The following MPP1 variants were observed in gnomAD, a reference collection of about 807,000 sequenced individuals.
MPP1 encodes 55 kDa erythrocyte membrane protein.
In MPP1, 6 loss-of-function variants were observed where a neutral mutation model predicts 38.2. That is an observed-to-expected ratio of 0.16 (90% confidence interval 0.09 to 0.31). The LOEUF (loss-of-function observed/expected upper bound fraction) is 0.31, where lower values mean the gene tolerates loss of function less well. MPP1 is among the 10% of genes least tolerant of loss of function. MPP1 has a pLI of 1.00. For missense variants in MPP1, 293 were observed against 368.9 expected (o/e 0.79, Z 1.69); for synonymous variants, 153 against 146.3 (o/e 1.05, Z -0.33).
At chrX:154,795,058 C>T (rs1405827010) in intron 1 of MPP1, among the ~76,000 whole-genome samples, 2 of 111,771 alleles carry the variant, frequency 1.8e-5, no homozygotes, top group Admixed American at 9.5e-5. Context: ...GCCATGATCA[C>T]ACCACTACAC....
chrX:154,783,497 C>T lies in MPP1; in HGVS notation c.876G>A (p.Gly292=). Residue 292 remains glycine, a synonymous_variant, in exon 9 of 12, where the codon GGG becomes GGA. Transcript: ENST00000369534. ...CATTCTTAATGTGGCTGCGACCCAC[C>T]CCACTGGCTCCTGTGTAGAGAGAGA... The part of the protein sequence containing the change: ...RKTLVLIGAS[G]VGRSHIKNAL... 1 of 1,205,544 alleles carries T rather than the reference C, an allele frequency of 8.3e-7. No homozygotes were observed. Among genetic ancestry groups the T allele is most frequent in the Non-Finnish European group, 1.1e-6 (1 of 891,233 alleles).
chrX:154,799,019 C>G (rs113375968), intron 1 of MPP1, among the ~76,000 whole-genome samples: 2 of 112,058 alleles, frequency 1.8e-5, no homozygotes, highest in Non-Finnish European at 3.8e-5. Context: ...CAGGTGTGAG[C>G]CACCATGCCT....
At chrX:154,781,116 A>G in intron 11 of MPP1, 123 bp downstream of exon 11, 1 of 610,395 alleles carries the variant, frequency 1.6e-6, no homozygotes. Context: ...TTGGCCCTGG[A>G]GGAAGAAGCC....
chrX:154,794,671 T>C (rs1206030407), intron 1 of MPP1, among the ~76,000 whole-genome samples: 2 of 111,505 alleles, frequency 1.8e-5, no homozygotes, highest in African/African-American at 3.3e-5. Context: ...TGGGAATAGA[T>C]GGTATGCCTG....
At chrX:154,792,865 C>T (rs782577710) in intron 1 of MPP1, among the ~76,000 whole-genome samples, 5 of 111,291 alleles carry the variant, frequency 4.5e-5, no homozygotes, top group South Asian at 3.8e-4. Context: ...CCCCGAACCG[C>T]GGTGATAACA....
intron 8 of MPP1, 58 bp downstream of exon 8, chrX:154,783,970 C>T (rs1164405180): frequency 1.5e-5 from 16 of 1,080,548 alleles, no homozygotes; most frequent in East Asian, 3.0e-5. Context: ...GGGGTGGGCA[C>T]GTGATGCAGG....
chrX:154,801,778 A>AAAAAAAAAAAAAAAT (rs2072267131), intron 1 of MPP1, among the ~76,000 whole-genome samples: 1 of 88,083 alleles, frequency 1.1e-5, no homozygotes, highest in Non-Finnish European at 2.2e-5. Context: ...AAAAAAAAAA[A>AAAAAAAAAAAAAAAT]AAAAAAAACA....
At chrX:154,783,714 C>CT (rs782795765) in intron 8 of MPP1, 19 of 432,394 alleles carry the variant, frequency 4.4e-5, no homozygotes, top group Middle Eastern at 6.2e-4. Context: ...AGGACTTACT[C>CT]TGTTTCAGGT....
At chrX:154,788,957 C>T (rs782087859) in intron 5 of MPP1, among the ~76,000 whole-genome samples, 4 of 111,690 alleles carry the variant, frequency 3.6e-5, no homozygotes, top group Non-Finnish European at 3.8e-5. Flanking sequence ...TATAATTCAA[C>T]GTTAATACAT....
Position 154,790,019 on chromosome X carries a change from C to G in MPP1, c.415G>C (p.Glu139Gln). 1 of 1,170,844 alleles carries G rather than the reference C, an allele frequency of 8.5e-7. No individual in the cohort carries two copies. The highest frequency in any genetic ancestry group is 1.2e-6 in the Non-Finnish European group (1 of 863,721). Residue 139 changes from glutamate to glutamine, a missense_variant, in exon 5 of 12, where the codon GAA becomes CAA. Glu to Gln is a conservative substitution (Grantham distance 29, BLOSUM62 2). Coordinates refer to ENST00000369534, the MANE Select transcript of MPP1 (RefSeq NM_002436.4). ...TTTAATGAGATCATTCCTTTGGTTTCTTTCTATTAAAAAAAATGGACATAA... is the reference window on the plus strand; with the variant it reads ...TTTAATGAGATCATTCCTTTGGTTTGTTTCTATTAAAAAAAATGGACATAA... ...SVDQLQKAMK[E>Q]TKGMISLKVI...
chrX:154,780,696 G>A (rs2071981887), intron 11 of MPP1, among the ~76,000 whole-genome samples: 1 of 111,324 alleles, frequency 9.0e-6, no homozygotes, highest in African/African-American at 3.4e-5. Context: ...TATTACACAT[G>A]CATGCAGCAG....
intron 9 of MPP1, 62 bp from the exon 10 acceptor site, chrX:154,781,864 G>C: frequency 9.2e-7 from 1 of 1,086,623 alleles, no homozygotes; most frequent in East Asian, 3.0e-5. Flanking sequence ...TGAGGGCTTG[G>C]ACCATGGTGT....
Position 154,783,500 on chromosome X carries a change from A to C in MPP1, c.873T>G (p.Ser291Arg). 8.3e-7 allele frequency: 1 copy of C among 1,205,529 alleles called. No homozygotes were observed. The highest frequency in any genetic ancestry group is 1.1e-6 in the Non-Finnish European group (1 of 891,379). Residue 291 changes from serine (S) to arginine (R), a missense_variant, in exon 9 of 12, where the codon AGT (serine) becomes AGG (arginine). Physicochemically the swap from Ser to Arg is moderately radical, Grantham distance 110. Transcript: ENST00000369534. ...KRKTLVLIGA[S>R]GVGRSHIKNA... Reference sequence around the variant, plus strand: ...TCTTAATGTGGCTGCGACCCACCCCACTGGCTCCTGTGTAGAGAGAGAAGA... The same window carrying C: ...TCTTAATGTGGCTGCGACCCACCCCCCTGGCTCCTGTGTAGAGAGAGAAGA...
intron 1 of MPP1, among the ~76,000 whole-genome samples, chrX:154,794,389 C>G (rs1557267993): frequency 9.0e-6 from 1 of 111,439 alleles, no homozygotes; most frequent in Non-Finnish European, 1.9e-5. Flanking sequence ...TGGGGAAAAA[C>G]TATGGAAACC....
At position 154,805,365 on chromosome X, in the gene MPP1, G is replaced by A; in HGVS notation, c.9C>T (p.Leu3=). The change falls in exon 1 of 12, where the codon CTC becomes CTT. Residue 3 remains leucine (L), a synonymous_variant. Coordinates refer to ENST00000369534, the MANE Select transcript of MPP1 (RefSeq NM_002436.4). MT[L]KASEGESGGS... is the part of the protein sequence containing the mutation. ...CCCCACTCTCGCCCTCGCTCGCCTT[G>A]AGGGTCATCTCGCAGAAGCTGGAAC... 8.3e-7 allele frequency: 1 copy of A among 1,198,188 alleles called. No homozygotes were observed. Among genetic ancestry groups the A allele is most frequent in the South Asian group, 1.8e-5 (1 of 55,026 alleles).
intron 1 of MPP1, among the ~76,000 whole-genome samples, chrX:154,794,278 C>T (rs1557267985): frequency 9.0e-6 from 1 of 111,684 alleles, no homozygotes; most frequent in East Asian, 2.8e-4. Flanking sequence ...ACCTGTGGAT[C>T]AGTCTCACAG....
intron 1 of MPP1, among the ~76,000 whole-genome samples, chrX:154,796,129 C>CTT (rs2072194869): frequency 9.7e-6 from 1 of 102,690 alleles, no homozygotes; most frequent in Non-Finnish European, 2.0e-5. Context: ...CTTTTCTTTT[C>CTT]TTTTCTTTTT....
At chrX:154,781,350 GA>G (rs2071995349) in intron 10 of MPP1, 37 bp from the exon 11 acceptor site, 3 of 861,246 alleles carry the variant, frequency 3.5e-6, no homozygotes, top group East Asian at 3.2e-5. Context: ...GGAGGGGGGG[GA>G]AGGAAGAAAA....
intron 1 of MPP1, among the ~76,000 whole-genome samples, chrX:154,792,968 AAATCTAAAGTAATTTAAGGCACTGT>A (rs2072158881): frequency 9.0e-6 from 1 of 111,726 alleles, no homozygotes; most frequent in Non-Finnish European, 1.9e-5. Flanking sequence ...TCTTTATTAT[AAATCTAAAGTAATTTAAGGCACTGT>A]GGTAAGAAGA....
Sources: gnomAD v4.1 joint callset for allele counts (sites outside exome capture counted in the v4.1 genomes callset) on GRCh38, gnomAD v4.1.1 for gene constraint, MANE v1.5 for transcripts, NCBI Gene and HGNC (gene_info 2026-07-23, HGNC 2026-07-21) for gene names.